Variants in KSR2 observed in about 807,000 individuals in gnomAD.
The protein encoded by KSR2 is kinase suppressor of ras 2.
Under a neutral mutation model 107.8 loss-of-function variants are expected in KSR2, and 25 were observed. That is an observed-to-expected ratio of 0.23 (90% CI 0.17 to 0.32). The LOEUF (loss-of-function observed/expected upper bound fraction) is 0.32, where lower values mean the gene tolerates loss of function less well. Among genes scored for constraint, KSR2 ranks in the 10% least tolerant of loss-of-function variants. The pLI, the probability that KSR2 is intolerant of heterozygous loss-of-function variation, is 1.00. For synonymous variants in KSR2, 480 were observed against 507.0 expected (o/e 0.95, Z 0.71); for missense variants, 887 against 1,268.9 (o/e 0.70, Z 4.57).
At chr12:117,912,645 C>T (rs533744736) in intron 1 of KSR2, among the ~76,000 whole-genome samples, 11 of 152,296 alleles carry the variant, frequency 7.2e-5, no homozygotes, top group South Asian at 2.1e-4. Flanking sequence ...AATGTTTCAG[C>T]AAATGCCTTG....
intron 1 of KSR2, among the ~76,000 whole-genome samples, chr12:117,911,625 T>C (rs1486169698): frequency 6.6e-6 from 1 of 152,234 alleles, no homozygotes; most frequent in African/African-American, 2.4e-5. Context: ...AAGGACTTCT[T>C]GTCCTACTTT....
intron 1 of KSR2, among the ~76,000 whole-genome samples, chr12:117,946,388 C>T (rs192062373): frequency 3.3e-5 from 5 of 151,884 alleles, no homozygotes; most frequent in South Asian, 2.1e-4. Flanking sequence ...ACATCAAGAA[C>T]GAAAAGAGGA....
At chr12:117,937,840 C>T (rs1045564482) in intron 1 of KSR2, among the ~76,000 whole-genome samples, 3 of 151,484 alleles carry the variant, frequency 2.0e-5, no homozygotes, top group African/African-American at 7.3e-5. Flanking sequence ...CGTGGCAGTG[C>T]ACGCCTGTAA....
At chr12:117,469,086 T>G (rs1412984879) in intron 19 of KSR2, among the ~76,000 whole-genome samples, 1 of 152,166 alleles carries the variant, frequency 6.6e-6, no homozygotes, top group Non-Finnish European at 1.5e-5. Context: ...CAGAAAGAGA[T>G]GCCACACTCA....
chr12:117,873,753 G>A (rs1275831433), intron 1 of KSR2, among the ~76,000 whole-genome samples: 1 of 152,046 alleles, frequency 6.6e-6, no homozygotes, highest in African/African-American at 2.4e-5. Context: ...GAACCACGGC[G>A]CCTGGCTGAG....
rs1425697756 is a variant in KSR2 at position 117,854,713 on chromosome 12, A to T, written c.472+715T>A. Among the ~76,000 whole-genome samples the T allele has an allele frequency of 3.3e-5, 5 of 152,324 alleles. No individual in the cohort carries two copies. In the South Asian group the frequency reaches 6.2e-4, roughly 19 times the overall value. ...CCCCAGAATTTGCAGAAAAATCATG[A>T]GGCTAAAGAGAAGCAGGAAGCCTCA... On this transcript the variant is annotated intron_variant, in intron 3 of 19. Coordinates refer to ENST00000339824, the MANE Select transcript of KSR2 (RefSeq NM_173598.6).
At position 117,907,556 on chromosome 12, in the gene KSR2, A is replaced by AC. The variant is rs938280849; in HGVS notation, c.181-47126dup. 2.2e-4 allele frequency among the ~76,000 whole-genome samples: 33 copies of AC among 152,162 alleles called. No individual in the cohort carries two copies. The highest frequency in any genetic ancestry group is 8.0e-4 in the African/African-American group (33 of 41,428). On this transcript the variant is annotated intron_variant, in intron 1 of 19. Transcript: ENST00000339824. The surrounding 1 kb of genome is among the most constrained non-coding windows in gnomAD (Gnocchi z 4.3). Reference sequence around the variant, plus strand: ...CAGTGGAAACTGCTCTCCTGCCCTGACCTGTTTAGAGATTAAGAGAGCACA... The same window carrying AC: ...CAGTGGAAACTGCTCTCCTGCCCTGACCCTGTTTAGAGATTAAGAGAGCACA...
At chr12:117,543,615 C>T (rs1241253713) in intron 9 of KSR2, among the ~76,000 whole-genome samples, 3 of 152,020 alleles carry the variant, frequency 2.0e-5, no homozygotes, top group Non-Finnish European at 2.9e-5. Context: ...TTGTGTTAAA[C>T]CTATATATGA....
chr12:117,721,985 A>G (rs1887224635), intron 4 of KSR2, among the ~76,000 whole-genome samples: 1 of 152,162 alleles, frequency 6.6e-6, no homozygotes, highest in Non-Finnish European at 1.5e-5. Context: ...ATGGTTATTG[A>G]GCACATGAAA....
intron 14 of KSR2, among the ~76,000 whole-genome samples, chr12:117,511,125 C>T (rs142557523): frequency 3.9e-4 from 59 of 152,306 alleles, no homozygotes; most frequent in African/African-American, 1.3e-3. Flanking sequence ...CAAATCTGCA[C>T]TAAAGTTCAA....
At chr12:117,837,638 G>A (rs1165416538) in intron 3 of KSR2, among the ~76,000 whole-genome samples, 2 of 152,136 alleles carry the variant, frequency 1.3e-5, no homozygotes, top group East Asian at 3.9e-4. Context: ...CTTTACAAGT[G>A]GAGCTTGAAA....
At chr12:117,774,800 C>T (rs1181892006) in intron 3 of KSR2, among the ~76,000 whole-genome samples, 1 of 152,094 alleles carries the variant, frequency 6.6e-6, no homozygotes, top group African/African-American at 2.4e-5. Flanking sequence ...AAACCCTGTC[C>T]CCATTCGCAA....
At chr12:117,538,908 C>G (rs1057305924) in intron 10 of KSR2, among the ~76,000 whole-genome samples, 1 of 152,022 alleles carries the variant, frequency 6.6e-6, no homozygotes, top group Non-Finnish European at 1.5e-5. Context: ...TCTTAGGGCC[C>G]TAGCAGAGGA....
Position 117,458,588 on chromosome 12 carries a change from T to C in KSR2, c.*8611A>G, listed in dbSNP as rs1445213641. 6.6e-6 allele frequency: 1 copy of C among 152,212 alleles called. No individual in the cohort carries two copies. The highest frequency in any genetic ancestry group is 1.5e-5 in the Non-Finnish European group (1 of 68,032). The allele number at this position is 152,212 out of a possible 1,614,324, so 9.4% of individuals were successfully genotyped here. A position where few individuals can be genotyped will look rare whatever the true frequency, so the allele number is the denominator to read the frequency against. On this transcript the variant is annotated 3_prime_UTR_variant, in exon 20 of 20. Coordinates refer to ENST00000339824, the MANE Select transcript of KSR2 (RefSeq NM_173598.6). Reference sequence around the variant, plus strand: ...AAATACATGGCAGCTATTTTTCATCTCTACAATTGTGCAACTTTCTCCTCA... The same window carrying C: ...AAATACATGGCAGCTATTTTTCATCCCTACAATTGTGCAACTTTCTCCTCA...
chr12:117,947,257 G>GGAAGA (rs1896228074), intron 1 of KSR2, among the ~76,000 whole-genome samples: 1 of 118,880 alleles, frequency 8.4e-6, no homozygotes, highest in Non-Finnish European at 1.7e-5. Flanking sequence ...AAGAAAGAAA[G>GGAAGA]AAGATAAACC....
chr12:117,932,445 G>T (rs889898832), intron 1 of KSR2, among the ~76,000 whole-genome samples: 1 of 152,162 alleles, frequency 6.6e-6, no homozygotes, highest in Non-Finnish European at 1.5e-5. Context: ...GCCAGGCACA[G>T]AAGCTCATGC....
At chr12:117,600,221 T>A (rs1345659447) in intron 5 of KSR2, among the ~76,000 whole-genome samples, 1 of 152,096 alleles carries the variant, frequency 6.6e-6, no homozygotes. Flanking sequence ...GAAAACAAAT[T>A]CACAAAGCAG....
At chr12:117,962,437 T>C (rs183666703) in intron 1 of KSR2, among the ~76,000 whole-genome samples, 71 of 139,094 alleles carry the variant, frequency 5.1e-4, no homozygotes, top group African/African-American at 1.7e-3. Context: ...TTTGTTTTGT[T>C]TTGTTTTTTG....
chr12:117,578,775 T>C (rs1879454157), intron 7 of KSR2, among the ~76,000 whole-genome samples: 1 of 152,172 alleles, frequency 6.6e-6, no homozygotes, highest in Non-Finnish European at 1.5e-5. Flanking sequence ...TTACGGCTGC[T>C]TATGGTCTGC....
Sources: allele counts gnomAD v4.1 joint callset (sites outside exome capture counted in the v4.1 genomes callset), GRCh38; gene constraint gnomAD v4.1.1; non-coding constraint Gnocchi (gnomAD v3.1); transcripts MANE v1.5; gene names NCBI Gene and HGNC (gene_info 2026-07-23, HGNC 2026-07-21).